Variants in LARGE1 observed in about 807,000 individuals in gnomAD.
LARGE1 encodes the protein xylosyl- and glucuronyltransferase LARGE1.
Under a neutral mutation model 87.6 loss-of-function variants are expected in LARGE1, and 43 were observed. The observed-to-expected ratio is 0.49, with a 90% CI of 0.38 to 0.63. LARGE1 has a LOEUF of 0.63. Ranked by LOEUF, LARGE1 falls within the 30% of genes least tolerant of loss-of-function variation. The pLI, the probability that LARGE1 is intolerant of heterozygous loss-of-function variation, is 0.00. For synonymous variants in LARGE1, 434 were observed against 394.6 expected, an observed-to-expected ratio of 1.10 and a Z score of -1.18; for missense variants, 802 against 1,000.2, an observed-to-expected ratio of 0.80 and a Z score of 2.67.
chr22:33,336,804 G>A (rs952607756), intron 10 of LARGE1, among the ~76,000 whole-genome samples: 2 of 152,044 alleles, frequency 1.3e-5, no homozygotes, highest in African/African-American at 2.4e-5. Flanking sequence ...GCTCACACCT[G>A]TAATTCCAGC....
chr22:33,456,741 G>A (rs1207296468), intron 6 of LARGE1, among the ~76,000 whole-genome samples: 1 of 152,102 alleles, frequency 6.6e-6, no homozygotes. Context: ...ATCATTTTAA[G>A]AACTTGTTCA....
rs71969164 is a variant in LARGE1, at chr22:33,768,436, T to TCACACA, written c.-82-6884_-82-6879dup. ...CCAAGCCACAATCCAACGCGCGCGCTCACACACACACACACACACACACAC... is the reference window on the plus strand; with the variant it reads ...CCAAGCCACAATCCAACGCGCGCGCTCACACACACACACACACACACACACACACAC... On this transcript the variant is annotated intron_variant, in intron 1 of 14. Coordinates refer to ENST00000397394, the MANE Select transcript of LARGE1 (RefSeq NM_133642.5). Among the ~76,000 whole-genome samples the TCACACA allele has an allele frequency of 2.0e-3, 294 of 147,564 alleles. 1 individual carries two copies. Among genetic ancestry groups the TCACACA allele is most frequent in the African/African-American group, 3.9e-3 (156 of 39,746 alleles).
At chr22:33,800,569 T>A (rs1206271251) in intron 1 of LARGE1, among the ~76,000 whole-genome samples, 2 of 152,158 alleles carry the variant, frequency 1.3e-5, no homozygotes, top group African/African-American at 4.8e-5. Flanking sequence ...CCCACCCTAG[T>A]CCCTGGCAAC....
At chr22:33,640,242 G>A (rs1248629140) in intron 3 of LARGE1, among the ~76,000 whole-genome samples, 1 of 152,194 alleles carries the variant, frequency 6.6e-6, no homozygotes, top group African/African-American at 2.4e-5. Flanking sequence ...GTGAGAGGAA[G>A]TGCACTGCTC....
At chr22:33,833,592 C>G (rs1226005327) in intron 1 of LARGE1, among the ~76,000 whole-genome samples, 4 of 152,180 alleles carry the variant, frequency 2.6e-5, no homozygotes, top group African/African-American at 9.7e-5. Context: ...TTTAAGCCAC[C>G]CAGTCTGTGG....
chr22:33,367,442 G>C (rs2064638425), intron 9 of LARGE1, among the ~76,000 whole-genome samples: 1 of 152,128 alleles, frequency 6.6e-6, no homozygotes, highest in Non-Finnish European at 1.5e-5. Flanking sequence ...TTTAGAGACA[G>C]GGTCTCATTC....
rs562673756 is a variant in LARGE1 at position 33,273,228 on chromosome 22, G to T, written c.*1199C>A. The T allele has an allele frequency of 5.0e-6, 2 of 396,944 alleles. No individual in the cohort carries two copies. The highest frequency in any genetic ancestry group is 4.4e-5 in the Admixed American group (1 of 22,674). The allele number at this position is 396,944 out of a possible 1,614,324, so 24.6% of individuals were successfully genotyped here. On this transcript the variant is annotated 3_prime_UTR_variant, in exon 15 of 15. Transcript: ENST00000397394. ...TTAATATTGAAGATTAAAGAAAATG[G>T]GTAAAAAGTCCAGTGTCTCCTCAAT...
At chr22:33,652,938 G>A (rs2080862277) in intron 2 of LARGE1, among the ~76,000 whole-genome samples, 1 of 152,206 alleles carries the variant, frequency 6.6e-6, no homozygotes. Context: ...ATCAAAGGCC[G>A]ATGCAGAATT....
chr22:33,753,230 A>T (rs1282161188), intron 2 of LARGE1, among the ~76,000 whole-genome samples: 4 of 151,908 alleles, frequency 2.6e-5, no homozygotes, highest in Non-Finnish European at 4.4e-5. Flanking sequence ...AAAAAATAGT[A>T]ATAATAATAA....
intron 6 of LARGE1, among the ~76,000 whole-genome samples, chr22:33,504,951 C>T (rs73168504): frequency 2.0e-5 from 3 of 152,340 alleles, no homozygotes; most frequent in Non-Finnish European, 4.4e-5. Flanking sequence ...CATTTGGATA[C>T]AGCAACAGGG....
At chr22:33,428,512 A>G (rs561342760) in intron 7 of LARGE1, among the ~76,000 whole-genome samples, 3 of 150,774 alleles carry the variant, frequency 2.0e-5, no homozygotes, top group Non-Finnish European at 4.4e-5. Flanking sequence ...ATGGGGTTTC[A>G]CCATCTTGGC....
At position 33,606,101 on chromosome 22, in the gene LARGE1, G is replaced by T. The variant is rs376166479; in HGVS notation, c.492-1543C>A. ...GCAGAGAAGGACATGAGAATGCAATGAAAGTTTAATTAAAACAGTTTGGAC... is the reference window on the plus strand; with the variant it reads ...GCAGAGAAGGACATGAGAATGCAATTAAAGTTTAATTAAAACAGTTTGGAC... On this transcript the variant is annotated intron_variant, in intron 4 of 14. Transcript: ENST00000397394. Among the ~76,000 whole-genome samples, 257 of 152,274 alleles carry T rather than the reference G, an allele frequency of 1.7e-3. 1 individual carries two copies. Among genetic ancestry groups the T allele is most frequent in the African/African-American group, 5.8e-3 (243 of 41,550 alleles).
At chr22:33,655,681 C>T (rs1410511351) in intron 2 of LARGE1, among the ~76,000 whole-genome samples, 1 of 152,170 alleles carries the variant, frequency 6.6e-6, no homozygotes, top group Non-Finnish European at 1.5e-5. Context: ...TTGAGTGGCA[C>T]CGCCCAATCT....
chr22:33,467,315 G>C (rs1200140965), intron 6 of LARGE1, among the ~76,000 whole-genome samples: 1 of 152,166 alleles, frequency 6.6e-6, no homozygotes, highest in Non-Finnish European at 1.5e-5. Context: ...GCTGATAAGG[G>C]ACCCAGTGAT....
intron 6 of LARGE1, among the ~76,000 whole-genome samples, chr22:33,454,634 AAGAAG>A (rs2068060943): frequency 6.8e-6 from 1 of 148,076 alleles, no homozygotes; most frequent in African/African-American, 2.5e-5. Flanking sequence ...AAAAAAAAAA[AAGAAG>A]AAGAAGAAAA....
the LARGE1 span, among the ~76,000 whole-genome samples, chr22:33,129,144 C>A: frequency 6.6e-6 from 1 of 152,082 alleles, no homozygotes; most frequent in Non-Finnish European, 1.5e-5. Flanking sequence ...TGAGTCATAA[C>A]CTCAAAACAC....
At chr22:33,392,772 G>A (rs2065580348) in intron 7 of LARGE1, among the ~76,000 whole-genome samples, 1 of 152,202 alleles carries the variant, frequency 6.6e-6, no homozygotes, top group Non-Finnish European at 1.5e-5. Context: ...CAGTGCTGTA[G>A]TGGGAATTAT....
rs150476760 is a variant in LARGE1 at position 33,638,055 on chromosome 22, T to C, written c.409-11729A>G. On this transcript the variant is annotated intron_variant, in intron 3 of 14. Coordinates refer to ENST00000397394, the MANE Select transcript of LARGE1 (RefSeq NM_133642.5). ...GAGGACATTTTTATTTTTGTGGATT[T>C]ACATCCTTGAAGAAGCCCCAAAGAA... Among the ~76,000 whole-genome samples the C allele has an allele frequency of 8.8e-3, 1,345 of 152,276 alleles. 16 individuals are homozygous for C. The highest frequency in any genetic ancestry group is 0.031 in the African/African-American group (1,278 of 41,554).
At chr22:33,334,425 A>G (rs1285860097) in intron 10 of LARGE1, among the ~76,000 whole-genome samples, 1 of 149,430 alleles carries the variant, frequency 6.7e-6, no homozygotes, top group South Asian at 2.1e-4. Context: ...AAAAAAAACA[A>G]AAAAAAAAAA....
Sources: allele counts gnomAD v4.1 joint callset (sites outside exome capture counted in the v4.1 genomes callset), GRCh38; gene constraint gnomAD v4.1.1; transcripts MANE v1.5; gene names NCBI Gene and HGNC (gene_info 2026-07-23, HGNC 2026-07-21).